The following ASCC3 variants were observed in gnomAD, a reference collection of about 807,000 sequenced individuals.
ASCC3 encodes the protein activating signal cointegrator 1 complex subunit 3.
ASCC3 carries 158 observed loss-of-function variants against 256.3 expected under a neutral mutation model. That is an observed-to-expected ratio of 0.62 (90% CI 0.54 to 0.70). The LOEUF (loss-of-function observed/expected upper bound fraction) is 0.70. Ranked by LOEUF, ASCC3 falls within the 30% of genes least tolerant of loss-of-function variation. The probability of loss-of-function intolerance (pLI) is 0.00; values close to 1 mark genes in which losing one functional copy is unlikely to be tolerated. For synonymous variants in ASCC3, 948 were observed against 883.4 expected (o/e 1.07, Z -1.30); for missense variants, 2,259 against 2,626.0 (o/e 0.86, Z 3.05).
At chr6:100,641,963 T>C (rs1437290684) in intron 24 of ASCC3, among the ~76,000 whole-genome samples, 1 of 134,722 alleles carries the variant, frequency 7.4e-6, no homozygotes, top group African/African-American at 2.9e-5. Context: ...AATTCAACAA[T>C]GAGAACACAT....
rs574200895 is a variant in ASCC3, at chr6:100,677,770, G to A, written c.2286+1848C>T. ...AATTCATTCTTCTTGAAAAAAAAAAGTCTAATAATAGTTGGATCAGGAAAA... is the reference window on the plus strand; with the variant it reads ...AATTCATTCTTCTTGAAAAAAAAAAATCTAATAATAGTTGGATCAGGAAAA... On this transcript the variant is annotated intron_variant, in intron 14 of 41. Transcript: ENST00000369162. 1.7e-3 allele frequency among the ~76,000 whole-genome samples: 251 copies of A among 150,278 alleles called. 1 individual carries two copies. Among genetic ancestry groups the A allele is most frequent in the Non-Finnish European group, 3.2e-3 (214 of 67,550 alleles).
intron 10 of ASCC3, among the ~76,000 whole-genome samples, chr6:100,763,859 G>C (rs1158326285): frequency 6.6e-6 from 1 of 152,214 alleles, no homozygotes; most frequent in African/African-American, 2.4e-5. Context: ...AAGCCGTGCA[G>C]TCCCCTAGCC....
intron 30 of ASCC3, among the ~76,000 whole-genome samples, chr6:100,613,955 C>T (rs1447305678): frequency 6.6e-6 from 1 of 152,046 alleles, no homozygotes; most frequent in Non-Finnish European, 1.5e-5. Context: ...TGTATGTCTT[C>T]TTTTGAAAAA....
intron 10 of ASCC3, among the ~76,000 whole-genome samples, chr6:100,740,864 G>C (rs1780403654): frequency 6.6e-6 from 1 of 152,188 alleles, no homozygotes; most frequent in Admixed American, 6.5e-5. Flanking sequence ...TTGCCATTCA[G>C]TGTCTTTTAA....
chr6:100,539,192 C>T (rs1043061105), intron 37 of ASCC3, among the ~76,000 whole-genome samples: 3 of 152,178 alleles, frequency 2.0e-5, no homozygotes, highest in East Asian at 1.9e-4. Context: ...TCTAGCACTA[C>T]AGCACTTAAG....
At chr6:100,715,662 T>C in intron 12 of ASCC3, 129 bp from the exon 13 acceptor site, 2 of 682,580 alleles carry the variant, frequency 2.9e-6, no homozygotes, top group Admixed American at 2.3e-5. Flanking sequence ...AGGTATCAAA[T>C]ACCTCATAAA....
chr6:100,650,215 AC>A (rs1319081258), intron 20 of ASCC3, among the ~76,000 whole-genome samples: 1 of 151,736 alleles, frequency 6.6e-6, no homozygotes, highest in Non-Finnish European at 1.5e-5. Flanking sequence ...CTTTATAAGT[AC>A]TTTATATTCT....
intron 3 of ASCC3, among the ~76,000 whole-genome samples, chr6:100,859,836 T>C (rs1189865919): frequency 2.0e-5 from 3 of 152,084 alleles, no homozygotes; most frequent in Non-Finnish European, 4.4e-5. Flanking sequence ...ACAAGTTGAA[T>C]AGTGAAATAA....
chr6:100,624,554 T>C (rs575591969), intron 30 of ASCC3, among the ~76,000 whole-genome samples: 1 of 152,098 alleles, frequency 6.6e-6, no homozygotes, highest in African/African-American at 2.4e-5. Flanking sequence ...ATAAGTACAG[T>C]TCTTTTGGAA....
chr6:100,700,297 C>T (rs940194994), intron 13 of ASCC3, among the ~76,000 whole-genome samples: 3 of 152,102 alleles, frequency 2.0e-5, no homozygotes, highest in African/African-American at 7.2e-5. Context: ...TGTGAGTGCA[C>T]AGAAGTCAAG....
intron 13 of ASCC3, among the ~76,000 whole-genome samples, chr6:100,710,958 A>G (rs1778826198): frequency 6.6e-6 from 1 of 152,186 alleles, no homozygotes; most frequent in African/African-American, 2.4e-5. Flanking sequence ...TACTGGCAGT[A>G]ATAGCATTAT....
At chr6:100,777,585 AG>A (rs1782251173) in intron 8 of ASCC3, among the ~76,000 whole-genome samples, 1 of 152,188 alleles carries the variant, frequency 6.6e-6, no homozygotes, top group Admixed American at 6.5e-5. Context: ...ACCTTAAATT[AG>A]GTTTCTAGAA....
chr6:100,666,901 A>G (rs903036769), intron 14 of ASCC3, among the ~76,000 whole-genome samples: 3 of 152,188 alleles, frequency 2.0e-5, no homozygotes, highest in African/African-American at 7.2e-5. Context: ...AATAAGAAAC[A>G]TGTATTTATC....
chr6:100,611,979 G>A (rs181473640), intron 30 of ASCC3, among the ~76,000 whole-genome samples: 2 of 151,760 alleles, frequency 1.3e-5, no homozygotes, highest in African/African-American at 4.8e-5. Flanking sequence ...CCAATAAATA[G>A]CCTTTGAAAT....
Position 100,629,812 on chromosome 6 carries a change from C to T in ASCC3, c.4209-631G>A, listed in dbSNP as rs1008539906. 2.6e-5 allele frequency among the ~76,000 whole-genome samples: 4 copies of T among 152,038 alleles called. No individual in the cohort carries two copies. The East Asian group carries it at 5.8e-4, about 22-fold the overall frequency. Reference sequence around the variant, plus strand: ...AAGGAAAAGAAAAACCTATGTAGATCTAGAGGAATTACCTAAGAATTCCTA... The same window carrying T: ...AAGGAAAAGAAAAACCTATGTAGATTTAGAGGAATTACCTAAGAATTCCTA... On this transcript the variant is annotated intron_variant, in intron 26 of 41. Transcript: ENST00000369162.
In ASCC3 at chr6:100,661,225, T is replaced by C. The variant is rs546171555; in HGVS notation, c.2703+581A>G. Among the ~76,000 whole-genome samples, 291 of 151,784 alleles carry C rather than the reference T, an allele frequency of 1.9e-3. 1 individual carries two copies. Among genetic ancestry groups the C allele is most frequent in the Non-Finnish European group, 3.1e-3 (213 of 67,714 alleles). On this transcript the variant is annotated intron_variant, in intron 16 of 41. Transcript: ENST00000369162. ...ACAGTCAAACCTGATTTTAATGTTC[T>C]ATACATATACTCTAAATTTTAAGAA...
chr6:100,510,846 T>C (rs1322279158), intron 40 of ASCC3, among the ~76,000 whole-genome samples: 1 of 152,212 alleles, frequency 6.6e-6, no homozygotes, highest in Non-Finnish European at 1.5e-5. Flanking sequence ...CTTTATGGCA[T>C]AAAATATAGT....
At chr6:100,621,891 T>C (rs1773970806) in intron 30 of ASCC3, among the ~76,000 whole-genome samples, 1 of 152,142 alleles carries the variant, frequency 6.6e-6, no homozygotes, top group Non-Finnish European at 1.5e-5. Flanking sequence ...ATATATACCA[T>C]GGAATACTAT....
intron 3 of ASCC3, among the ~76,000 whole-genome samples, chr6:100,851,588 T>C (rs756608591): frequency 1.1e-4 from 16 of 152,168 alleles, no homozygotes; most frequent in Non-Finnish European, 1.8e-4. Context: ...TTAACTTAAA[T>C]CTATAATTTC....
Sources: gnomAD v4.1 joint callset for allele counts (sites outside exome capture counted in the v4.1 genomes callset) on GRCh38, gnomAD v4.1.1 for gene constraint, MANE v1.5 for transcripts, NCBI Gene and HGNC (gene_info 2026-07-23, HGNC 2026-07-21) for gene names.